LMBRD1: variants seen among roughly 807,000 people sequenced by gnomAD.
LMBRD1 encodes the protein LMBR1 domain containing 1, also known as lysosomal cobalamin transport escort protein LMBD1.
Under a neutral mutation model 74.8 loss-of-function variants are expected in LMBRD1, and 64 were observed. That is an observed-to-expected ratio of 0.86 (90% CI 0.70 to 1.05). The LOEUF (loss-of-function observed/expected upper bound fraction) is 1.05, where lower values mean the gene tolerates loss of function less well. Ranked by LOEUF, LMBRD1 falls within the 50% of genes least tolerant of loss-of-function variation. The pLI, the probability that LMBRD1 is intolerant of heterozygous loss-of-function variation, is 0.00. For missense variants in LMBRD1, 652 were observed against 645.9 expected (o/e 1.01, Z -0.10); for synonymous variants, 204 against 216.3 (o/e 0.94, Z 0.50).
At chr6:69,705,976 G>C in intron 9 of LMBRD1, 1 of 891,602 alleles carries the variant, frequency 1.1e-6, no homozygotes, top group Non-Finnish European at 1.9e-6. Flanking sequence ...CACTGCCTCT[G>C]CTTCAACGAT....
intron 14 of LMBRD1, among the ~76,000 whole-genome samples, chr6:69,692,953 T>C (rs1765921903): frequency 6.6e-6 from 1 of 152,166 alleles, no homozygotes; most frequent in African/African-American, 2.4e-5. Flanking sequence ...CATTAAGGTA[T>C]ATTGGTCTTT....
At chr6:69,789,565 A>G (rs1766034905) in intron 2 of LMBRD1, among the ~76,000 whole-genome samples, 2 of 151,514 alleles carry the variant, frequency 1.3e-5, no homozygotes, top group South Asian at 4.1e-4. Context: ...AAAATAAAAA[A>G]TAAAATAAAA....
chr6:69,727,894 C>T (rs1281988259), intron 7 of LMBRD1, among the ~76,000 whole-genome samples: 1 of 152,012 alleles, frequency 6.6e-6, no homozygotes, highest in Non-Finnish European at 1.5e-5. Flanking sequence ...ATTCTTTAAA[C>T]ATTATTGATA....
At chr6:69,682,865 G>C (rs896509807) in intron 14 of LMBRD1, among the ~76,000 whole-genome samples, 2 of 151,946 alleles carry the variant, frequency 1.3e-5, no homozygotes, top group African/African-American at 2.4e-5. Context: ...GATATGTGTG[G>C]TATATGGTGC....
chr6:69,764,514 C>T (rs1009469769), intron 3 of LMBRD1, among the ~76,000 whole-genome samples: 3 of 152,172 alleles, frequency 2.0e-5, no homozygotes, highest in African/African-American at 7.2e-5. Flanking sequence ...ACTAATAAGA[C>T]AGCATTCTAG....
At chr6:69,745,520 A>T (rs1767206489) in intron 5 of LMBRD1, among the ~76,000 whole-genome samples, 1 of 151,752 alleles carries the variant, frequency 6.6e-6, no homozygotes, top group Non-Finnish European at 1.5e-5. Flanking sequence ...GGCCTCCCAA[A>T]GTGCTGGGAT....
chr6:69,756,874 C>T (rs915253330), intron 3 of LMBRD1, among the ~76,000 whole-genome samples: 2 of 152,196 alleles, frequency 1.3e-5, no homozygotes, highest in African/African-American at 2.4e-5. Context: ...TACAAAACCA[C>T]CTTTCAATTA....
chr6:69,780,636 A>AGTTT, intron 2 of LMBRD1, 82 bp from the exon 3 acceptor site: 1 of 1,003,056 alleles, frequency 1.0e-6, no homozygotes, highest in Non-Finnish European at 1.6e-6. Flanking sequence ...ATACGACTGA[A>AGTTT]TATCACTTCC....
intron 14 of LMBRD1, among the ~76,000 whole-genome samples, chr6:69,695,865 A>T (rs1276228894): frequency 6.8e-6 from 1 of 146,894 alleles, no homozygotes; most frequent in Non-Finnish European, 1.5e-5. Context: ...TTTCCCTGAG[A>T]CAGAGTCTTG....
rs141206548 is a variant in LMBRD1, at chr6:69,698,979, T to C, written c.1338+64A>G. ...CTTATGCTAACCATCACAATTAAAA[T>C]TTCATTTTAAATATCACTATCTTTA... On this transcript the variant is annotated intron_variant, in intron 13 of 15. Coordinates refer to ENST00000649934, the MANE Select transcript of LMBRD1 (RefSeq NM_018368.4). 1,771 of 1,149,790 alleles carry C rather than the reference T, an allele frequency of 1.5e-3. 15 individuals are homozygous for C. Among genetic ancestry groups the C allele is most frequent in the African/African-American group, 0.014 (926 of 64,680 alleles). The allele number at this position is 1,149,790 out of a possible 1,614,324, so 71.2% of individuals were successfully genotyped here. A position where few individuals can be genotyped will look rare whatever the true frequency, so the allele number is the denominator to read the frequency against.
intron 3 of LMBRD1, among the ~76,000 whole-genome samples, chr6:69,776,465 A>G (rs2149890881): frequency 6.6e-6 from 1 of 152,346 alleles, no homozygotes; most frequent in African/African-American, 2.4e-5. Context: ...AACTCTATGA[A>G]GGAAAATATG....
intron 1 of LMBRD1, among the ~76,000 whole-genome samples, chr6:69,795,696 T>G (rs539000244): frequency 3.9e-5 from 6 of 152,230 alleles, no homozygotes; most frequent in Non-Finnish European, 8.8e-5. Context: ...AGGACTAACA[T>G]GTTCCAGGGT....
At chr6:69,733,665 G>A (rs1766911491) in intron 7 of LMBRD1, among the ~76,000 whole-genome samples, 1 of 152,038 alleles carries the variant, frequency 6.6e-6, no homozygotes, top group African/African-American at 2.4e-5. Context: ...GCCAAATCAT[G>A]GCTTGGCAGC....
intron 3 of LMBRD1, 145 bp from the exon 4 acceptor site, chr6:69,752,501 G>T: frequency 1.5e-6 from 1 of 647,518 alleles, no homozygotes; most frequent in Non-Finnish European, 2.6e-6. Context: ...TATAGTACAT[G>T]ATGCCCAAAT....
chr6:69,732,176 A>G (rs1436910425), intron 7 of LMBRD1, among the ~76,000 whole-genome samples: 2 of 152,190 alleles, frequency 1.3e-5, no homozygotes, highest in African/African-American at 2.4e-5. Flanking sequence ...GTGTTGTAAC[A>G]TGAACTGAAT....
At chr6:69,720,573 T>C (rs973579615) in intron 7 of LMBRD1, among the ~76,000 whole-genome samples, 2 of 152,150 alleles carry the variant, frequency 1.3e-5, no homozygotes, top group East Asian at 3.9e-4. Context: ...TGGTATATTT[T>C]GGTATATTTG....
intron 7 of LMBRD1, among the ~76,000 whole-genome samples, chr6:69,720,440 T>C (rs1003766584): frequency 1.3e-5 from 2 of 152,216 alleles, no homozygotes; most frequent in African/African-American, 2.4e-5. Context: ...AAGATTCTGT[T>C]ACTATTAGAT....
chr6:69,750,899 G>A (rs1018268607), intron 4 of LMBRD1, among the ~76,000 whole-genome samples: 14 of 152,014 alleles, frequency 9.2e-5, no homozygotes, highest in African/African-American at 3.4e-4. Context: ...TAATGCAAAT[G>A]CTCTTGAAGT....
chr6:69,768,338 C>T (rs1765510902), intron 3 of LMBRD1, among the ~76,000 whole-genome samples: 1 of 151,788 alleles, frequency 6.6e-6, no homozygotes, highest in Non-Finnish European at 1.5e-5. Flanking sequence ...TTTATAGATA[C>T]ATAAAATAAG....
Sources: gnomAD v4.1 joint callset for allele counts (sites outside exome capture counted in the v4.1 genomes callset) on GRCh38, gnomAD v4.1.1 for gene constraint, MANE v1.5 for transcripts, NCBI Gene and HGNC (gene_info 2026-07-23, HGNC 2026-07-21) for gene names.